The following RANBP2 variants were observed in gnomAD, a reference collection of about 807,000 sequenced individuals.
RANBP2 encodes E3 SUMO-protein ligase RanBP2.
RANBP2 carries 57 observed loss-of-function variants against 303.6 expected under a neutral mutation model. The observed-to-expected ratio is 0.19, with a 90% confidence interval of 0.15 to 0.23. The LOEUF (loss-of-function observed/expected upper bound fraction) is 0.23. Among genes scored for constraint, RANBP2 ranks in the 10% least tolerant of loss-of-function variants. The probability of loss-of-function intolerance (pLI) is 1.00; values close to 1 mark genes in which losing one functional copy is unlikely to be tolerated. For missense variants in RANBP2, 3,138 were observed against 3,780.8 expected (o/e 0.83, Z 4.46); for synonymous variants, 1,167 against 1,301.5 (o/e 0.90, Z 2.23).
the RANBP2 span, among the ~76,000 whole-genome samples, chr2:109,228,015 G>T: frequency 6.6e-6 from 1 of 152,110 alleles, no homozygotes; most frequent in Admixed American, 6.5e-5. Context: ...GTGGGGAATA[G>T]TTCAGTGTTT....
chr2:109,635,012 T>G, the RANBP2 span, among the ~76,000 whole-genome samples: 1 of 152,116 alleles, frequency 6.6e-6, no homozygotes, highest in Admixed American at 6.6e-5. Context: ...ATGGAGAAAC[T>G]TGAAACTAAT....
chr2:109,188,267 A>T, the RANBP2 span, among the ~76,000 whole-genome samples: 5 of 152,228 alleles, frequency 3.3e-5, no homozygotes, highest in African/African-American at 1.2e-4. Flanking sequence ...ACCCCAGCAG[A>T]CAACTGTGCC....
intron 1 of RANBP2, among the ~76,000 whole-genome samples, chr2:108,721,056 A>G (rs1290547559): frequency 2.0e-5 from 3 of 152,162 alleles, no homozygotes; most frequent in Non-Finnish European, 4.4e-5. Context: ...AAAAACAAAA[A>G]CAAAAACAAA....
At chr2:109,680,487 A>G in the RANBP2 span, among the ~76,000 whole-genome samples, 1 of 152,234 alleles carries the variant, frequency 6.6e-6, no homozygotes, top group Non-Finnish European at 1.5e-5. Flanking sequence ...AGGAAAGGTT[A>G]TGTAACATCC....
the RANBP2 span, among the ~76,000 whole-genome samples, chr2:109,146,445 G>A: frequency 6.6e-6 from 1 of 152,118 alleles, no homozygotes; most frequent in Non-Finnish European, 1.5e-5. Context: ...TCAATTCCGT[G>A]CCAAGAGGCC....
At chr2:109,453,367 CT>C in the RANBP2 span, among the ~76,000 whole-genome samples, 2 of 152,226 alleles carry the variant, frequency 1.3e-5, no homozygotes, top group East Asian at 3.9e-4. Context: ...TTAAGTTATC[CT>C]TTTGCACTTA....
chr2:108,791,491 G>C, the RANBP2 span: 2 of 645,826 alleles, frequency 3.1e-6, no homozygotes, highest in African/African-American at 3.6e-5. Flanking sequence ...CTTGTAGTGG[G>C]TTATCAATGA....
chr2:109,581,563 T>C, the RANBP2 span, among the ~76,000 whole-genome samples: 1 of 151,374 alleles, frequency 6.6e-6, no homozygotes, highest in Admixed American at 6.6e-5. Flanking sequence ...CAGTGGCTCC[T>C]CTGGGGGAAG....
At chr2:109,022,288 C>T in the RANBP2 span, among the ~76,000 whole-genome samples, 1 of 152,140 alleles carries the variant, frequency 6.6e-6, no homozygotes, top group African/African-American at 2.4e-5. Flanking sequence ...CTGTGGTTCC[C>T]CCGCCCCACT....
chr2:109,243,680 G>A, the RANBP2 span, among the ~76,000 whole-genome samples: 42 of 152,224 alleles, frequency 2.8e-4, no homozygotes. Context: ...GGAGGCAAAG[G>A]TCGGGGACAA....
At chr2:109,607,475 T>C in the RANBP2 span, among the ~76,000 whole-genome samples, 1 of 152,166 alleles carries the variant, frequency 6.6e-6, no homozygotes, top group South Asian at 2.1e-4. Context: ...AATCGGTTCT[T>C]GGGAGGACAA....
At chr2:109,629,347 ATATATATAT>A in the RANBP2 span, among the ~76,000 whole-genome samples, 2 of 6,310 alleles carry the variant, frequency 3.2e-4, no homozygotes, top group East Asian at 3.4e-3. Flanking sequence ...ATATATATAT[ATATATATAT>A]TTTTTTTTTT....
At chr2:109,436,467 A>G in the RANBP2 span, among the ~76,000 whole-genome samples, 1 of 152,172 alleles carries the variant, frequency 6.6e-6, no homozygotes, top group African/African-American at 2.4e-5. Context: ...GCGAGGTGGC[A>G]GTCGTGCCCA....
In RANBP2 at chr2:108,765,335, T is replaced by C. The variant is rs144029647; in HGVS notation, c.4796T>C (p.Phe1599Ser). 1.2e-6 allele frequency: 2 copies of C among 1,613,716 alleles called. No individual in the cohort carries two copies. The highest frequency in any genetic ancestry group is 2.7e-5 in the African/African-American group (2 of 74,928). The change falls in exon 20 of 29, where the codon TTT becomes TCT. Residue 1599 changes from phenylalanine to serine, a missense_variant. Physicochemically the swap from Phe to Ser is radical, Grantham distance 155. Around this residue, in one of 20 missense-constraint regions of RANBP2, gnomAD observed 28 missense variants for 43.2 expected, o/e 0.65. Coordinates refer to ENST00000283195, the MANE Select transcript of RANBP2 (RefSeq NM_006267.5). Reference sequence around the variant, plus strand: ...ACAAGCAAGGCTCCAAAGAGCGGATTTGAGGGAATGTTCACTAAGAAGGAG... The same window carrying C: ...ACAAGCAAGGCTCCAAAGAGCGGATCTGAGGGAATGTTCACTAAGAAGGAG... The part of the protein sequence containing the change: ...SETSKAPKSG[F>S]EGMFTKKEGQ...
the RANBP2 span, among the ~76,000 whole-genome samples, chr2:109,484,067 CTTTTT>C: frequency 9.9e-4 from 93 of 94,330 alleles, no homozygotes; most frequent in East Asian, 5.2e-3. Context: ...TCTGGCCTTT[CTTTTT>C]TTTTTTTTTT....
the RANBP2 span, chr2:109,585,855 AC>A: frequency 6.3e-7 from 1 of 1,596,056 alleles, no homozygotes; most frequent in South Asian, 1.1e-5. Flanking sequence ...GAAAATAAAA[AC>A]AAAAACAACA....
At chr2:108,744,732 A>G (rs1313186970) in intron 7 of RANBP2, among the ~76,000 whole-genome samples, 2 of 152,228 alleles carry the variant, frequency 1.3e-5, no homozygotes, top group East Asian at 1.9e-4. Flanking sequence ...ACATGTTTGG[A>G]AAGAATTATA....
the RANBP2 span, among the ~76,000 whole-genome samples, chr2:109,237,592 A>AT: frequency 6.6e-6 from 1 of 152,012 alleles, no homozygotes; most frequent in Non-Finnish European, 1.5e-5. Context: ...ACATTATGAG[A>AT]TTTTTGTGTG....
the RANBP2 span, among the ~76,000 whole-genome samples, chr2:108,969,248 C>G: frequency 6.6e-6 from 1 of 152,088 alleles, no homozygotes; most frequent in Non-Finnish European, 1.5e-5. Context: ...CTGCCCTCAG[C>G]TCCAACCTCC....
Sources: allele counts gnomAD v4.1 joint callset (sites outside exome capture counted in the v4.1 genomes callset), GRCh38; gene constraint gnomAD v4.1.1; regional missense constraint gnomAD v4.1.1; transcripts MANE v1.5; gene names NCBI Gene and HGNC (gene_info 2026-07-23, HGNC 2026-07-21).